The following TOX3 variants were observed in gnomAD, a reference collection of about 807,000 sequenced individuals.
TOX3 encodes CAG trinucleotide repeat-containing gene F9 protein.
In TOX3, 22 loss-of-function variants were observed where a neutral mutation model predicts 64.3. That is an observed-to-expected ratio of 0.34 (90% CI 0.24 to 0.49). TOX3 has a LOEUF of 0.49. TOX3 is among the 20% of genes least tolerant of loss of function. TOX3 has a pLI of 0.99. For missense variants in TOX3, 661 were observed against 714.4 expected, an observed-to-expected ratio of 0.93 and a Z score of 0.85; for synonymous variants, 291 against 273.6, an observed-to-expected ratio of 1.06 and a Z score of -0.63.
intron 1 of TOX3, among the ~76,000 whole-genome samples, chr16:52,540,239 G>C (rs1198329539): frequency 6.6e-6 from 1 of 150,452 alleles, no homozygotes. Context: ...GAAAAAGTTA[G>C]CCAAGCATAG....
At chr16:52,461,691 C>G (rs1442242183) in intron 3 of TOX3, among the ~76,000 whole-genome samples, 1 of 152,092 alleles carries the variant, frequency 6.6e-6, no homozygotes, top group Non-Finnish European at 1.5e-5. Context: ...TTCTTACTTG[C>G]ATAAGGTATG....
chr16:52,546,568 C>T (rs1963192973), intron 1 of TOX3, 69 bp downstream of exon 1: 3 of 1,431,822 alleles, frequency 2.1e-6, no homozygotes, highest in Admixed American at 2.2e-5. Context: ...GCGGTGAGCC[C>T]GAGCGCGGGG....
intron 1 of TOX3, among the ~76,000 whole-genome samples, chr16:52,493,316 A>C (rs767085833): frequency 2.2e-4 from 33 of 152,198 alleles, no homozygotes; most frequent in Admixed American, 1.3e-4. Flanking sequence ...AACCACATAC[A>C]TATCAGCCCT....
chr16:52,501,355 T>C (rs772611934), intron 1 of TOX3, among the ~76,000 whole-genome samples: 21 of 152,180 alleles, frequency 1.4e-4, no homozygotes, highest in African/African-American at 4.8e-4. Flanking sequence ...ATACCAAAAA[T>C]TATAATTAAA....
In TOX3 at chr16:52,496,029, T is replaced by G. The variant is rs139285061; in HGVS notation, c.88-27455A>C. 8.7e-4 allele frequency among the ~76,000 whole-genome samples: 132 copies of G among 152,290 alleles called. 1 individual carries two copies. Among genetic ancestry groups the G allele is most frequent in the African/African-American group, 3.0e-3 (124 of 41,584 alleles). The stretch of plus-strand genomic sequence containing the variant: ...CAGAAAGAGTATCAAATTCTACCTA[T>G]CAGTTTCTCTCATTCTTTCCTAACT... On this transcript the variant is annotated intron_variant, in intron 1 of 6. Coordinates refer to ENST00000219746, the MANE Select transcript of TOX3 (RefSeq NM_001080430.4).
intron 2 of TOX3, among the ~76,000 whole-genome samples, chr16:52,467,300 A>C (rs1178052621): frequency 1.3e-5 from 2 of 152,202 alleles, no homozygotes; most frequent in Admixed American, 6.5e-5. Flanking sequence ...TCGTCCTTAC[A>C]GATGGGGTTT....
At chr16:52,493,957 G>A (rs1961770117) in intron 1 of TOX3, among the ~76,000 whole-genome samples, 1 of 152,042 alleles carries the variant, frequency 6.6e-6, no homozygotes, top group Admixed American at 6.6e-5. Flanking sequence ...CACCAATATT[G>A]AAAGGCTTGA....
intron 1 of TOX3, among the ~76,000 whole-genome samples, chr16:52,508,753 T>C (rs1962226587): frequency 6.6e-6 from 1 of 152,150 alleles, no homozygotes. Context: ...ACTTCAAAAT[T>C]ATTGATAACT....
chr16:52,472,098 G>A (rs1207248273), intron 1 of TOX3, among the ~76,000 whole-genome samples: 1 of 152,220 alleles, frequency 6.6e-6, no homozygotes, highest in Non-Finnish European at 1.5e-5. Flanking sequence ...GGTCCAGTAA[G>A]GTTGGGAAAG....
chr16:52,482,695 A>C (rs28558853), intron 1 of TOX3, among the ~76,000 whole-genome samples: 34,173 of 152,174 alleles, frequency 0.22, 4,623 homozygotes, highest in South Asian at 0.36. Flanking sequence ...ACTTACCTTT[A>C]AAGTAAAATG....
intron 1 of TOX3, among the ~76,000 whole-genome samples, chr16:52,494,011 A>G (rs1214283069): frequency 6.6e-6 from 1 of 152,160 alleles, no homozygotes; most frequent in African/African-American, 2.4e-5. Flanking sequence ...CTGATAATCC[A>G]AAACTCCCCT....
At chr16:52,465,175 C>T (rs1960823111) in intron 2 of TOX3, among the ~76,000 whole-genome samples, 2 of 151,592 alleles carry the variant, frequency 1.3e-5, no homozygotes, top group African/African-American at 2.4e-5. Flanking sequence ...CCACCATACA[C>T]GGCTAATTCT....
intron 1 of TOX3, among the ~76,000 whole-genome samples, chr16:52,525,785 A>C (rs766212681): frequency 6.6e-6 from 1 of 152,222 alleles, no homozygotes; most frequent in Non-Finnish European, 1.5e-5. Context: ...GTGATAATGC[A>C]CTTTAATGGA....
chr16:52,526,941 T>C (rs764339802), intron 1 of TOX3, among the ~76,000 whole-genome samples: 15 of 152,224 alleles, frequency 9.9e-5, no homozygotes, highest in South Asian at 2.1e-4. Context: ...TAGTTATGTA[T>C]TGAGATTCTC....
At chr16:52,509,947 A>G (rs1312453041) in intron 1 of TOX3, among the ~76,000 whole-genome samples, 2 of 152,136 alleles carry the variant, frequency 1.3e-5, no homozygotes, top group Admixed American at 6.5e-5. Flanking sequence ...TATTCAAGAG[A>G]TGAGTCTAAA....
intron 1 of TOX3, among the ~76,000 whole-genome samples, chr16:52,500,274 C>A (rs1961967302): frequency 6.6e-6 from 1 of 152,144 alleles, no homozygotes. Context: ...ATGATTGGAG[C>A]AAAAACCAAA....
intron 6 of TOX3, among the ~76,000 whole-genome samples, chr16:52,443,861 A>G (rs60522134): frequency 0.015 from 2,256 of 152,262 alleles, 46 homozygotes; most frequent in African/African-American, 0.052. Context: ...CAGTTTGGTC[A>G]AAAATGCAAT....
At chr16:52,491,042 T>G (rs1380387856) in intron 1 of TOX3, among the ~76,000 whole-genome samples, 3 of 152,168 alleles carry the variant, frequency 2.0e-5, no homozygotes, top group African/African-American at 7.2e-5. Context: ...CATGTCACTG[T>G]CAGGGTTAAA....
At chr16:52,452,341 G>T (rs1393172457) in intron 3 of TOX3, among the ~76,000 whole-genome samples, 1 of 152,120 alleles carries the variant, frequency 6.6e-6, no homozygotes, top group African/African-American at 2.4e-5. Context: ...TGCGGTGTTT[G>T]GTTTTTTGTC....
Sources: allele counts gnomAD v4.1 joint callset (sites outside exome capture counted in the v4.1 genomes callset), GRCh38; gene constraint gnomAD v4.1.1; transcripts MANE v1.5; gene names NCBI Gene and HGNC (gene_info 2026-07-23, HGNC 2026-07-21).